The following CNTNAP5 variants were observed in gnomAD, a reference collection of about 807,000 sequenced individuals.
The protein encoded by CNTNAP5 is contactin-associated protein-like 5.
CNTNAP5 carries 72 observed loss-of-function variants against 150.2 expected under a neutral mutation model. The observed-to-expected ratio is 0.48, with a 90% CI of 0.40 to 0.58. The LOEUF is 0.58. CNTNAP5 is among the 20% of genes least tolerant of loss of function. CNTNAP5 has a pLI of 0.00. For synonymous variants in CNTNAP5, 672 were observed against 619.8 expected (o/e 1.08, Z -1.25); for missense variants, 1,636 against 1,626.2 (o/e 1.01, Z -0.10).
intron 1 of CNTNAP5, among the ~76,000 whole-genome samples, chr2:124,103,845 T>A (rs1405462767): frequency 6.9e-6 from 1 of 145,958 alleles, no homozygotes; most frequent in Non-Finnish European, 1.5e-5. Flanking sequence ...ATATAGTTAA[T>A]AATAGATATA....
intron 1 of CNTNAP5, among the ~76,000 whole-genome samples, chr2:124,056,943 A>T (rs1292157058): frequency 6.6e-6 from 1 of 152,020 alleles, no homozygotes; most frequent in Non-Finnish European, 1.5e-5. Context: ...TTTCTATCAA[A>T]AGCTATGTTC....
intron 4 of CNTNAP5, among the ~76,000 whole-genome samples, chr2:124,427,592 G>A (rs530393938): frequency 1.3e-5 from 2 of 152,006 alleles, no homozygotes; most frequent in South Asian, 4.2e-4. Flanking sequence ...GAGTAGCTGG[G>A]ATTACAGGTG....
intron 1 of CNTNAP5, among the ~76,000 whole-genome samples, chr2:124,159,572 T>A (rs1182953504): frequency 1.3e-5 from 2 of 152,240 alleles, no homozygotes; most frequent in Non-Finnish European, 2.9e-5. Flanking sequence ...TGTGTGACCA[T>A]GTTAAGTTAT....
intron 19 of CNTNAP5, among the ~76,000 whole-genome samples, chr2:124,861,729 A>G (rs977520200): frequency 3.9e-5 from 6 of 152,230 alleles, no homozygotes; most frequent in Non-Finnish European, 5.9e-5. Context: ...AGTAGTTGCT[A>G]GTGACAAAAG....
chr2:124,340,876 A>AT (rs1491291916), intron 3 of CNTNAP5, among the ~76,000 whole-genome samples: 1 of 147,288 alleles, frequency 6.8e-6, no homozygotes, highest in Non-Finnish European at 1.5e-5. Flanking sequence ...GTATATACAC[A>AT]TATATATATA....
At chr2:124,856,331 CT>C (rs1238543923) in intron 19 of CNTNAP5, among the ~76,000 whole-genome samples, 3 of 152,124 alleles carry the variant, frequency 2.0e-5, no homozygotes, top group African/African-American at 7.2e-5. Context: ...TGTATAATGA[CT>C]TACTTTCCTG....
chr2:124,049,374 T>C (rs1681631590), intron 1 of CNTNAP5, among the ~76,000 whole-genome samples: 1 of 152,244 alleles, frequency 6.6e-6, no homozygotes, highest in South Asian at 2.1e-4. Context: ...CAGTAGTTCC[T>C]GTCTAAGTCT....
At chr2:124,086,993 A>G (rs976327357) in intron 1 of CNTNAP5, among the ~76,000 whole-genome samples, 4 of 151,754 alleles carry the variant, frequency 2.6e-5, no homozygotes, top group Non-Finnish European at 4.4e-5. Context: ...AGTAACTGCT[A>G]GGTATTACAC....
intron 8 of CNTNAP5, among the ~76,000 whole-genome samples, chr2:124,518,245 C>A (rs952595491): frequency 1.3e-5 from 2 of 151,296 alleles, no homozygotes; most frequent in African/African-American, 4.9e-5. Flanking sequence ...ATCTCATTAT[C>A]AAAAGCATTT....
intron 13 of CNTNAP5, among the ~76,000 whole-genome samples, chr2:124,736,565 T>A (rs1299076080): frequency 6.6e-6 from 1 of 152,176 alleles, no homozygotes; most frequent in African/African-American, 2.4e-5. Context: ...AACCTTACTG[T>A]ATGGTGGTCT....
chr2:124,773,941 TGTGTGTGAGA>T (rs1182674877), intron 17 of CNTNAP5, among the ~76,000 whole-genome samples: 155 of 145,746 alleles, frequency 1.1e-3, no homozygotes, highest in African/African-American at 3.3e-3. Flanking sequence ...TGTGTGTGTG[TGTGTGTGAGA>T]GAGAGAGAGA....
At chr2:124,899,256 G>A (rs1253212351) in intron 21 of CNTNAP5, among the ~76,000 whole-genome samples, 2 of 151,416 alleles carry the variant, frequency 1.3e-5, no homozygotes, top group African/African-American at 4.9e-5. Context: ...CATAATTCAT[G>A]TGGTAGGTAC....
chr2:124,375,374 A>G (rs149605182), intron 3 of CNTNAP5, among the ~76,000 whole-genome samples: 1 of 152,152 alleles, frequency 6.6e-6, no homozygotes, highest in Non-Finnish European at 1.5e-5. Flanking sequence ...ATGATGCTCA[A>G]ACAAAGGCAA....
At chr2:124,372,852 A>C (rs1690562937) in intron 3 of CNTNAP5, among the ~76,000 whole-genome samples, 1 of 152,156 alleles carries the variant, frequency 6.6e-6, no homozygotes, top group Non-Finnish European at 1.5e-5. Flanking sequence ...AGCACTAACT[A>C]TGTGCAAAGC....
At chr2:124,239,622 C>T (rs1346316112) in intron 2 of CNTNAP5, among the ~76,000 whole-genome samples, 1 of 151,898 alleles carries the variant, frequency 6.6e-6, no homozygotes, top group Non-Finnish European at 1.5e-5. Context: ...ACATTCACCA[C>T]AGACAAAATC....
chr2:124,542,729 T>A (rs986857916), intron 10 of CNTNAP5, among the ~76,000 whole-genome samples: 2 of 152,178 alleles, frequency 1.3e-5, no homozygotes, highest in African/African-American at 4.8e-5. Context: ...TAGTCATGAC[T>A]GGTTTTCTAT....
intron 8 of CNTNAP5, among the ~76,000 whole-genome samples, chr2:124,510,997 G>C (rs1694575369): frequency 6.6e-6 from 1 of 152,136 alleles, no homozygotes; most frequent in Non-Finnish European, 1.5e-5. Flanking sequence ...CTCTCACATG[G>C]TCATGTGGTC....
intron 3 of CNTNAP5, among the ~76,000 whole-genome samples, chr2:124,249,675 C>A (rs963207895): frequency 6.6e-6 from 1 of 152,168 alleles, no homozygotes; most frequent in Non-Finnish European, 1.5e-5. Flanking sequence ...TAAAACCAAT[C>A]TGCACCTGAC....
chr2:124,886,950 T>C (rs1678094115), intron 21 of CNTNAP5, among the ~76,000 whole-genome samples: 1 of 152,170 alleles, frequency 6.6e-6, no homozygotes, highest in Non-Finnish European at 1.5e-5. Flanking sequence ...TCATTTGAAA[T>C]ATATCATTAC....
Sources: gnomAD v4.1 joint callset for allele counts (sites outside exome capture counted in the v4.1 genomes callset) on GRCh38, gnomAD v4.1.1 for gene constraint, MANE v1.5 for transcripts, NCBI Gene and HGNC (gene_info 2026-07-23, HGNC 2026-07-21) for gene names.